DKK2: variants seen among roughly 807,000 people sequenced by gnomAD.
The protein encoded by DKK2 is dickkopf Wnt signaling pathway inhibitor 2.
In DKK2, 11 loss-of-function variants were observed where a neutral mutation model predicts 28.1. The observed-to-expected ratio is 0.39, with a 90% CI of 0.25 to 0.65. DKK2 has a LOEUF of 0.65. DKK2 is among the 30% of genes least tolerant of loss of function. DKK2 has a pLI of 0.47. For synonymous variants in DKK2, 135 were observed against 126.5 expected (o/e 1.07, Z -0.45); for missense variants, 326 against 335.5 (o/e 0.97, Z 0.22).
chr4:106,955,984 T>C (rs1402124981), intron 1 of DKK2, among the ~76,000 whole-genome samples: 1 of 152,182 alleles, frequency 6.6e-6, no homozygotes, highest in Admixed American at 6.5e-5. Flanking sequence ...CATTTTACTA[T>C]GGCTGTTTAG....
At chr4:107,024,394 A>G (rs1723741310) in intron 1 of DKK2, among the ~76,000 whole-genome samples, 1 of 152,206 alleles carries the variant, frequency 6.6e-6, no homozygotes, top group Admixed American at 6.5e-5. Flanking sequence ...AGAAATATGA[A>G]AGTATGACTA....
At chr4:106,970,493 A>G (rs926609525) in intron 1 of DKK2, among the ~76,000 whole-genome samples, 1 of 152,104 alleles carries the variant, frequency 6.6e-6, no homozygotes, top group Admixed American at 6.6e-5. Context: ...TATTATTATT[A>G]CCATTATCCA....
chr4:106,984,039 C>T (rs1240857563), intron 1 of DKK2, among the ~76,000 whole-genome samples: 1 of 152,178 alleles, frequency 6.6e-6, no homozygotes, highest in African/African-American at 2.4e-5. Context: ...GCCACTCTGG[C>T]AGTTTGTCAA....
intron 1 of DKK2, among the ~76,000 whole-genome samples, chr4:107,030,480 G>A (rs951388560): frequency 6.6e-5 from 10 of 151,948 alleles, no homozygotes; most frequent in Admixed American, 3.3e-4. Context: ...AAAAAAGGAC[G>A]TAGTAAGGGG....
Position 106,958,163 on chromosome 4 carries a change from T to G in DKK2, c.223-32214A>C, listed in dbSNP as rs1459744817. On this transcript the variant is annotated intron_variant, in intron 1 of 3. Coordinates refer to ENST00000285311, the MANE Select transcript of DKK2 (RefSeq NM_014421.3). ...TATATATAGATTATATTACAGGGTC[T>G]TGGAATGGACTGCTTTACTCTCTTT... Among the ~76,000 whole-genome samples, 7 of 151,032 alleles carry G rather than the reference T, an allele frequency of 4.6e-5. No individual in the cohort carries two copies. In the East Asian group the frequency reaches 1.4e-3, roughly 29 times the overall value.
Position 106,924,549 on chromosome 4 carries a change from T to C in DKK2, c.525A>G (p.Ile175Met), listed in dbSNP as rs1724398122. Residue 175 changes from isoleucine to methionine, a missense_variant, in exon 3 of 4, where the codon ATA becomes ATG. By Grantham distance (10) the Ile-to-Met change is conservative (BLOSUM62 1). Transcript: ENST00000285311. ...LGRPHTKMSHIKGHEGDPCLR... is the reference protein window; with the variant it reads ...LGRPHTKMSHMKGHEGDPCLR... ...CAGAACTACAGATATCCCTACCTTT[T>C]ATATGTGACATCTTAGTGTGTGGTC... 6.2e-7 allele frequency: 1 copy of C among 1,613,516 alleles called. No homozygotes were observed. The highest frequency in any genetic ancestry group is 8.5e-7 in the Non-Finnish European group (1 of 1,179,588).
chr4:107,035,230 G>T (rs554947081), intron 1 of DKK2, 140 bp downstream of exon 1: 1 of 994,856 alleles, frequency 1.0e-6, no homozygotes, highest in Non-Finnish European at 1.5e-6. Context: ...GACCCTGTTC[G>T]GTGAATCCCT....
intron 1 of DKK2, among the ~76,000 whole-genome samples, chr4:106,964,937 T>A (rs1722745229): frequency 6.8e-6 from 1 of 147,724 alleles, no homozygotes; most frequent in Non-Finnish European, 1.5e-5. Flanking sequence ...AGAGAGATGA[T>A]AGATTAGATA....
chr4:107,014,870 A>G (rs1207744447), intron 1 of DKK2, among the ~76,000 whole-genome samples: 1 of 151,294 alleles, frequency 6.6e-6, no homozygotes, highest in Admixed American at 6.6e-5. Flanking sequence ...TAGCCATTGT[A>G]TTTCAAATCT....
At chr4:106,928,665 C>A (rs1311951950) in intron 1 of DKK2, among the ~76,000 whole-genome samples, 1 of 152,024 alleles carries the variant, frequency 6.6e-6, no homozygotes, top group Non-Finnish European at 1.5e-5. Flanking sequence ...TCCCTTAGCC[C>A]AGATTTTTTC....
intron 1 of DKK2, among the ~76,000 whole-genome samples, chr4:107,023,615 G>A (rs1212850965): frequency 6.6e-6 from 1 of 152,030 alleles, no homozygotes; most frequent in Non-Finnish European, 1.5e-5. Flanking sequence ...CAAAGAGTGA[G>A]CCCTTGTGTA....
intron 1 of DKK2, among the ~76,000 whole-genome samples, chr4:106,931,073 G>A (rs1229454253): frequency 6.6e-6 from 1 of 152,118 alleles, no homozygotes; most frequent in African/African-American, 2.4e-5. Context: ...GGACTTATAT[G>A]TCAATCTGCC....
At chr4:106,984,859 C>T (rs1333582205) in intron 1 of DKK2, among the ~76,000 whole-genome samples, 4 of 152,150 alleles carry the variant, frequency 2.6e-5, no homozygotes, top group African/African-American at 9.7e-5. Flanking sequence ...ACTATTGATA[C>T]ACACAACAGC....
At chr4:106,932,767 A>G (rs965148190) in intron 1 of DKK2, among the ~76,000 whole-genome samples, 11 of 152,162 alleles carry the variant, frequency 7.2e-5, no homozygotes, top group Non-Finnish European at 1.5e-5. Flanking sequence ...AAACTGCACA[A>G]TCTTAAGGTC....
chr4:107,009,521 G>T (rs1354737309), intron 1 of DKK2, among the ~76,000 whole-genome samples: 2 of 151,854 alleles, frequency 1.3e-5, no homozygotes, highest in East Asian at 3.9e-4. Flanking sequence ...GCAGCTGGGA[G>T]GGTGAGGAGA....
chr4:106,990,376 G>T (rs547574957), intron 1 of DKK2, among the ~76,000 whole-genome samples: 11 of 152,178 alleles, frequency 7.2e-5, no homozygotes, highest in Admixed American at 2.0e-4. Context: ...AAGAGTAAGG[G>T]GATACAGTGG....
chr4:107,035,642 T>C lies in DKK2; in HGVS notation c.-51A>G. The C allele has an allele frequency of 6.3e-7, 1 of 1,599,050 alleles. No individual in the cohort carries two copies. Among genetic ancestry groups the C allele is most frequent in the Non-Finnish European group, 8.5e-7 (1 of 1,172,692 alleles). ...GACGCAAAGCCCGGAGGGGTGGGAA[T>C]GCAAAGGGAGGGAGGACCCCAACAC... On this transcript the variant is annotated 5_prime_UTR_variant, in exon 1 of 4. Coordinates refer to ENST00000285311, the MANE Select transcript of DKK2 (RefSeq NM_014421.3).
chr4:106,990,906 T>C (rs1036847029), intron 1 of DKK2, among the ~76,000 whole-genome samples: 1 of 151,840 alleles, frequency 6.6e-6, no homozygotes, highest in Non-Finnish European at 1.5e-5. Context: ...TTGACTTCTG[T>C]ACATGTAGAA....
intron 1 of DKK2, among the ~76,000 whole-genome samples, chr4:106,946,262 T>C (rs943618879): frequency 1.3e-5 from 2 of 152,104 alleles, no homozygotes; most frequent in Non-Finnish European, 2.9e-5. Flanking sequence ...ATGATTAATT[T>C]TTAGTTTTGA....
Sources: gnomAD v4.1 joint callset for allele counts (sites outside exome capture counted in the v4.1 genomes callset) on GRCh38, gnomAD v4.1.1 for gene constraint, MANE v1.5 for transcripts, NCBI Gene and HGNC (gene_info 2026-07-23, HGNC 2026-07-21) for gene names.